The following GALK1 variants were observed in gnomAD, a reference collection of about 807,000 sequenced individuals.
GALK1 encodes the protein galactokinase 1, also known as galactokinase.
A neutral mutation model predicts 38.6 loss-of-function variants in GALK1; 30 were observed. The observed-to-expected ratio is 0.78, with a 90% CI of 0.58 to 1.05. GALK1 has a LOEUF of 1.05. Ranked by LOEUF, GALK1 falls within the 50% of genes least tolerant of loss-of-function variation. The pLI is 0.00. For missense variants in GALK1, 512 were observed against 540.5 expected, an observed-to-expected ratio of 0.95 and a Z score of 0.52; for synonymous variants, 240 against 233.6, an observed-to-expected ratio of 1.03 and a Z score of -0.25.
rs758343807 is a variant in GALK1 at position 75,758,192 on chromosome 17, G to A, written c.1107+18C>T. ...GAAGCTGCCGCTCCTGCCCGCCCAGGCCCTGGTGCCCGCCCACCTGGATGT... is the reference window on the plus strand; with the variant it reads ...GAAGCTGCCGCTCCTGCCCGCCCAGACCCTGGTGCCCGCCCACCTGGATGT... On this transcript the variant is annotated intron_variant, in intron 7 of 7. Coordinates refer to ENST00000588479, the MANE Select transcript of GALK1 (RefSeq NM_000154.2). The A allele has an allele frequency of 1.2e-6, 2 of 1,608,298 alleles. No individual in the cohort carries two copies. Among genetic ancestry groups the A allele is most frequent in the East Asian group, 2.2e-5 (1 of 44,722 alleles).
Position 75,765,069 on chromosome 17 carries a change from T to C in GALK1, c.68A>G (p.Glu23Gly). 6.2e-7 allele frequency: 1 copy of C among 1,600,874 alleles called. No individual in the cohort carries two copies. The highest frequency in any genetic ancestry group is 8.5e-7 in the Non-Finnish European group (1 of 1,174,752). ...LAEARRAFRE[E>G]FGAEPELAVS... ...GGCCAGCTCGGGCTCGGCCCCGAACTCCTCCCGGAAGGCTCGCCGGGCCTC... is the reference window on the plus strand; with the variant it reads ...GGCCAGCTCGGGCTCGGCCCCGAACCCCTCCCGGAAGGCTCGCCGGGCCTC... Residue 23 changes from glutamate (E) to glycine (G), a missense_variant, in exon 1 of 8, where the codon GAG becomes GGG. Glu to Gly is a moderately conservative substitution (Grantham distance 98). Coordinates refer to ENST00000588479, the MANE Select transcript of GALK1 (RefSeq NM_000154.2).
At chr17:75,756,327 T>A, downstream of GALK1, 2 of 1,285,794 alleles carry the variant, frequency 1.6e-6, no homozygotes, top group Non-Finnish European at 2.2e-6. Flanking sequence ...TAGTCCTGGG[T>A]GGGTGATAAC....
chr17:75,761,303 T>C (rs1469902122), intron 5 of GALK1, among the ~76,000 whole-genome samples: 1 of 152,032 alleles, frequency 6.6e-6, no homozygotes, highest in Non-Finnish European at 1.5e-5. Flanking sequence ...AGCACCTGAA[T>C]GCTAAAATAT....
chr17:75,765,020 G>A lies in GALK1; in HGVS notation c.117C>T (p.Asn39=), dbSNP rs1599336904. The change falls in exon 1 of 8, where the codon AAC becomes AAT. Residue 39 remains asparagine, a synonymous_variant. Coordinates refer to ENST00000588479, the MANE Select transcript of GALK1 (RefSeq NM_000154.2). ...TGTAGTCCGTGTGTTCCCCGATGAG[G>A]TTGACGCGGCCCGGCGCTGACACGG... The part of the protein sequence containing the change: ...ELAVSAPGRV[N]LIGEHTDYNQ... The A allele has an allele frequency of 6.2e-7, 1 of 1,610,744 alleles. No homozygotes were observed. Among genetic ancestry groups the A allele is most frequent in the Admixed American group, 1.7e-5 (1 of 59,766 alleles).
chr17:75,752,492 G>A lies in GALK1; in HGVS notation c.*23-755C>T, dbSNP rs745840219. On this transcript the variant is annotated intron_variant, in intron 8 of 8. Coordinates refer to the GALK1 transcript ENST00000225614. ...CTATCGTGGACGCCCAGAGCGGGGA[G>A]GACTACGACAGCTTCCTTATGTACA... is the stretch of plus-strand genomic sequence containing the variant. 6.2e-6 allele frequency: 10 copies of A among 1,613,584 alleles called. No homozygotes were observed. Among genetic ancestry groups the A allele is most frequent in the Non-Finnish European group, 5.9e-6 (7 of 1,180,036 alleles).
At chr17:75,753,290 G>A (rs896691141), downstream of GALK1, among the ~76,000 whole-genome samples, 9 of 152,206 alleles carry the variant, frequency 5.9e-5, no homozygotes, top group Non-Finnish European at 7.3e-5. Flanking sequence ...GGGTTCAGGT[G>A]GAGCGCAGCT....
In GALK1 at chr17:75,752,485, G is replaced by A. The variant is rs2061391295; in HGVS notation, c.*23-748C>T. On this transcript the variant is annotated intron_variant, in intron 8 of 8. Coordinates refer to the GALK1 transcript ENST00000225614. ...GACATCCCTATCGTGGACGCCCAGA[G>A]CGGGGAGGACTACGACAGCTTCCTT... 17 of 1,613,676 alleles carry A rather than the reference G, an allele frequency of 1.1e-5. 1 individual carries two copies. The South Asian group carries it at 1.8e-4, about 17-fold the overall frequency.
At chr17:75,752,337 G>C in intron 8 of GALK1, 1 of 1,612,682 alleles carries the variant, frequency 6.2e-7, no homozygotes, top group African/African-American at 1.3e-5. Flanking sequence ...TGGCCACCCA[G>C]CCCAAGAGGC....
chr17:75,756,292 A>T, downstream of GALK1: 1 of 867,954 alleles, frequency 1.2e-6, no homozygotes, highest in Non-Finnish European at 1.8e-6. Flanking sequence ...ACCATACTGT[A>T]CCCAACCTGT....
At chr17:75,757,244 C>A (rs1478849876), downstream of GALK1, 1 of 1,612,044 alleles carries the variant, frequency 6.2e-7, no homozygotes, top group East Asian at 2.2e-5. Context: ...CTTCCAGCAC[C>A]CGCTGCAAAG....
chr17:75,762,051 G>T (rs914729779), intron 5 of GALK1, among the ~76,000 whole-genome samples: 13 of 152,134 alleles, frequency 8.5e-5, no homozygotes, highest in African/African-American at 1.2e-4. Flanking sequence ...TGGGCTGGGC[G>T]CAGTGGCTCA....
downstream of GALK1, chr17:75,757,028 G>T (rs1393340418): frequency 6.2e-7 from 1 of 1,612,978 alleles, no homozygotes; most frequent in Admixed American, 1.7e-5. Flanking sequence ...TGCCCTACAA[G>T]TTCAAGGTGC....
chr17:75,762,583 G>C, intron 5 of GALK1, 121 bp downstream of exon 5: 1 of 1,055,664 alleles, frequency 9.5e-7, no homozygotes, highest in Non-Finnish European at 1.5e-6. Flanking sequence ...TGTTTGAAGG[G>C]ACTGGGGAGA....
At chr17:75,757,593 G>A (rs371860241), downstream of GALK1, 253 of 1,612,080 alleles carry the variant, frequency 1.6e-4, no homozygotes, top group South Asian at 1.0e-3. Context: ...CCCACTAGGC[G>A]TCCTCCCGAC....
chr17:75,754,150 G>C (rs2061432876), downstream of GALK1, among the ~76,000 whole-genome samples: 1 of 152,220 alleles, frequency 6.6e-6, no homozygotes, highest in African/African-American at 2.4e-5. Context: ...GACGCGTGAG[G>C]CAGGCGCTTG....
Position 75,758,351 on chromosome 17 carries a change from G to A in GALK1, c.966C>T (p.Cys322=), listed in dbSNP as rs969862473. ...RSLRDDYEVS[C]PELDQLVEAA... ...CCTCCACCAGCTGGTCCAGCTCTGG[G>A]CAGCTCACCTCATAGTCGTCTCTGC... Residue 322 remains cysteine, a synonymous_variant, in exon 7 of 8, where the codon TGC becomes TGT. Coordinates refer to ENST00000588479, the MANE Select transcript of GALK1 (RefSeq NM_000154.2). 1.8e-5 allele frequency: 28 copies of A among 1,594,114 alleles called. No individual in the cohort carries two copies. Among genetic ancestry groups the A allele is most frequent in the Non-Finnish European group, 2.3e-5 (27 of 1,171,270 alleles).
At chr17:75,764,657 C>A in intron 1 of GALK1, 1 of 516,344 alleles carries the variant, frequency 1.9e-6, no homozygotes. Context: ...GTGTCCCCTT[C>A]TGCGTGGCAC....
chr17:75,762,918 G>A (rs373597640), intron 4 of GALK1, 33 bp from the exon 5 acceptor site: 25 of 1,610,866 alleles, frequency 1.6e-5, no homozygotes, highest in African/African-American at 1.2e-4. Context: ...GAGATGACGA[G>A]GCCAAGCGTG....
chr17:75,764,754 C>A, intron 1 of GALK1: 1 of 629,164 alleles, frequency 1.6e-6, no homozygotes, highest in Non-Finnish European at 2.8e-6. Context: ...AGCCAAGAGG[C>A]GGCCGCGCAC....
Sources: gnomAD v4.1 joint callset for allele counts (sites outside exome capture counted in the v4.1 genomes callset) on GRCh38, gnomAD v4.1.1 for gene constraint, MANE v1.5 for transcripts, NCBI Gene and HGNC (gene_info 2026-07-23, HGNC 2026-07-21) for gene names.